Variants in EDARADD observed in about 807,000 individuals in gnomAD.
EDARADD encodes the protein EDAR associated via death domain.
Under a neutral mutation model 25.6 loss-of-function variants are expected in EDARADD, and 20 were observed. That is an observed-to-expected ratio of 0.78 (90% CI 0.55 to 1.14). The LOEUF (loss-of-function observed/expected upper bound fraction) is 1.14, where lower values mean the gene tolerates loss of function less well. EDARADD is among the 50% of genes most tolerant of loss of function. The probability of loss-of-function intolerance (pLI) is 0.00; values close to 1 mark genes in which losing one functional copy is unlikely to be tolerated. For synonymous variants in EDARADD, 86 were observed against 94.4 expected (o/e 0.91, Z 0.52); for missense variants, 225 against 270.1 (o/e 0.83, Z 1.17).
intron 1 of EDARADD, among the ~76,000 whole-genome samples, chr1:236,405,919 TTCTTTC>T (rs755104553): frequency 0.06 from 3,407 of 57,172 alleles, 220 homozygotes; most frequent in Non-Finnish European, 0.089. Flanking sequence ...CTTTCTTTCT[TTCTTTC>T]TCTTTCCTTT....
intron 3 of EDARADD, among the ~76,000 whole-genome samples, chr1:236,376,067 T>C (rs1388301101): frequency 6.6e-6 from 1 of 151,276 alleles, no homozygotes; most frequent in African/African-American, 2.4e-5. Flanking sequence ...CCCAAGTGAC[T>C]GGGATTACAG....
chr1:236,433,445 G>T (rs1045125288), intron 4 of EDARADD, among the ~76,000 whole-genome samples: 2 of 151,596 alleles, frequency 1.3e-5, no homozygotes, highest in African/African-American at 4.8e-5. Flanking sequence ...AGAGCAGCTG[G>T]GATCACAGGC....
chr1:236,446,014 G>A (rs931688831), intron 4 of EDARADD, among the ~76,000 whole-genome samples: 1 of 152,148 alleles, frequency 6.6e-6, no homozygotes, highest in Non-Finnish European at 1.5e-5. Context: ...GTGAGAAGTC[G>A]TGATTCATTA....
chr1:236,353,088 C>T (rs1666935916), intron 3 of EDARADD, among the ~76,000 whole-genome samples: 1 of 152,132 alleles, frequency 6.6e-6, no homozygotes, highest in Admixed American at 6.5e-5. Context: ...AAGCACACCA[C>T]ATGCCTCATG....
chr1:236,402,030 C>T lies in EDARADD; in HGVS notation c.62-7186C>T, dbSNP rs182671833. Among the ~76,000 whole-genome samples, 22 of 152,236 alleles carry T rather than the reference C, an allele frequency of 1.4e-4. No homozygotes were observed. The East Asian group carries it at 1.9e-3, about 13-fold the overall frequency. On this transcript the variant is annotated intron_variant, in intron 1 of 5. Coordinates refer to ENST00000334232, the MANE Select transcript of EDARADD (RefSeq NM_145861.4). ...AGGCTGGAGTGCAGTGGTGCTGTCT[C>T]GGCTCACTGCAACCTCCACCTCCCG...
chr1:236,481,221 G>C (rs968681154), intron 5 of EDARADD, among the ~76,000 whole-genome samples: 1 of 152,142 alleles, frequency 6.6e-6, no homozygotes, highest in Admixed American at 6.5e-5. Flanking sequence ...GCTGTGTTTG[G>C]TGTTAAACTG....
intron 2 of EDARADD, among the ~76,000 whole-genome samples, chr1:236,409,718 T>C (rs1010397561): frequency 6.6e-6 from 1 of 151,408 alleles, no homozygotes; most frequent in African/African-American, 2.4e-5. Context: ...TGTGCCACCA[T>C]GCCTGGCTAA....
rs75129231 is a variant in EDARADD at position 236,354,805 on chromosome 1, G to A, written c.-6+3966G>A. Reference sequence around the variant, plus strand: ...CTGTGTCCTGTAGGTCACCTTTAACGTAAAGAGCCAAATTCCATCTCAGTT... The same window carrying A: ...CTGTGTCCTGTAGGTCACCTTTAACATAAAGAGCCAAATTCCATCTCAGTT... On this transcript the variant is annotated intron_variant, in intron 3 of 7. Transcript: ENST00000439430. 7.9e-3 allele frequency among the ~76,000 whole-genome samples: 1,207 copies of A among 152,228 alleles called. 12 individuals are homozygous for A. Among genetic ancestry groups the A allele is most frequent in the African/African-American group, 0.027 (1,137 of 41,542 alleles).
chr1:236,484,697 A>T lies in EDARADD; in HGVS notation c.*2048A>T. 3 of 237,930 alleles carry T rather than the reference A, an allele frequency of 1.3e-5. No homozygotes were observed. The highest frequency in any genetic ancestry group is 8.5e-5 in the East Asian group (1 of 11,794). The allele number at this position is 237,930 out of a possible 1,614,324, so 14.7% of individuals were successfully genotyped here. A position where few individuals can be genotyped will look rare whatever the true frequency, so the allele number is the denominator to read the frequency against. On this transcript the variant is annotated 3_prime_UTR_variant, in exon 6 of 6. Transcript: ENST00000334232. The surrounding 1 kb of genome is among the most constrained non-coding windows in gnomAD (Gnocchi z 4.1). ...CACACCAGTCTGGAGACAGAGTGAG[A>T]GTCCGTCCCAGAAAAAAAAAAAAAA... is the stretch of plus-strand genomic sequence containing the variant.
chr1:236,430,835 A>T (rs1470608388), intron 4 of EDARADD, among the ~76,000 whole-genome samples: 3 of 152,236 alleles, frequency 2.0e-5, no homozygotes, highest in Non-Finnish European at 2.9e-5. Context: ...AGCAAGCTGG[A>T]GGCCGAGCTC....
chr1:236,351,590 A>G (rs1478395056), intron 3 of EDARADD, among the ~76,000 whole-genome samples: 3 of 151,628 alleles, frequency 2.0e-5, no homozygotes, highest in Non-Finnish European at 4.4e-5. Flanking sequence ...CATGCCTGTA[A>G]TCCCAGCTAC....
chr1:236,363,590 C>T (rs1667079455), intron 3 of EDARADD, among the ~76,000 whole-genome samples: 2 of 151,366 alleles, frequency 1.3e-5, no homozygotes, highest in African/African-American at 2.4e-5. Context: ...TTTATTTTTA[C>T]TTAAAAAAAT....
At chr1:236,430,055 GT>G (rs1658053697) in intron 4 of EDARADD, among the ~76,000 whole-genome samples, 1 of 152,168 alleles carries the variant, frequency 6.6e-6, no homozygotes, top group East Asian at 1.9e-4. Context: ...AATCACCTCT[GT>G]AAGAAAGAGA....
intron 2 of EDARADD, among the ~76,000 whole-genome samples, chr1:236,349,403 T>C (rs1666887801): frequency 6.6e-6 from 1 of 152,160 alleles, no homozygotes; most frequent in African/African-American, 2.4e-5. Context: ...TGAGTGGCCA[T>C]GTTGCGTGAC....
chr1:236,482,993 T>C lies in EDARADD; in HGVS notation c.*344T>C. ...ATACGGTAAAGATTTAAATAGGTCC[T>C]GAGACTGTTGATAGCCCCAGACATA... On this transcript the variant is annotated 3_prime_UTR_variant, in exon 6 of 6. Coordinates refer to ENST00000334232, the MANE Select transcript of EDARADD (RefSeq NM_145861.4). 1.6e-6 allele frequency: 1 copy of C among 611,968 alleles called. No individual in the cohort carries two copies. The highest frequency in any genetic ancestry group is 2.9e-6 in the Non-Finnish European group (1 of 349,032). The allele number at this position is 611,968 out of a possible 1,614,324, so 37.9% of individuals were successfully genotyped here.
chr1:236,403,868 A>G (rs944732803), intron 1 of EDARADD, among the ~76,000 whole-genome samples: 2 of 149,956 alleles, frequency 1.3e-5, no homozygotes, highest in African/African-American at 2.4e-5. Context: ...CCTTTTGAGG[A>G]ACTTTCCAGA....
At chr1:236,444,353 C>T (rs1240508980) in intron 4 of EDARADD, among the ~76,000 whole-genome samples, 1 of 152,136 alleles carries the variant, frequency 6.6e-6, no homozygotes, top group Non-Finnish European at 1.5e-5. Context: ...CCACTTTACA[C>T]ATCGAGATCC....
intron 4 of EDARADD, among the ~76,000 whole-genome samples, chr1:236,442,021 C>T (rs1658415181): frequency 6.6e-6 from 1 of 152,142 alleles, no homozygotes. Flanking sequence ...GATGTAGCTA[C>T]CATCATTGAT....
chr1:236,397,155 A>G (rs1667530983), intron 1 of EDARADD, among the ~76,000 whole-genome samples: 1 of 152,096 alleles, frequency 6.6e-6, no homozygotes, highest in African/African-American at 2.4e-5. Flanking sequence ...CAGGCCTGTA[A>G]TGCCAGCACT....
Sources: allele counts gnomAD v4.1 joint callset (sites outside exome capture counted in the v4.1 genomes callset), GRCh38; gene constraint gnomAD v4.1.1; non-coding constraint Gnocchi (gnomAD v3.1); transcripts MANE v1.5; gene names NCBI Gene and HGNC (gene_info 2026-07-23, HGNC 2026-07-21).